CORO2B: variants seen among roughly 807,000 people sequenced by gnomAD.
CORO2B encodes coronin-2B.
CORO2B carries 26 observed loss-of-function variants against 58.8 expected under a neutral mutation model. The observed-to-expected ratio is 0.44, with a 90% CI of 0.32 to 0.61. The LOEUF (loss-of-function observed/expected upper bound fraction) is 0.61, where lower values mean the gene tolerates loss of function less well. Among genes scored for constraint, CORO2B ranks in the 20% least tolerant of loss-of-function variants. The probability of loss-of-function intolerance (pLI) is 0.04; values close to 1 mark genes in which losing one functional copy is unlikely to be tolerated. For missense variants in CORO2B, 460 were observed against 645.1 expected, an observed-to-expected ratio of 0.71 and a Z score of 3.11; for synonymous variants, 242 against 253.8, an observed-to-expected ratio of 0.95 and a Z score of 0.44.
At chr15:68,586,317 C>T (rs929068810) in intron 1 of CORO2B, among the ~76,000 whole-genome samples, 6 of 152,052 alleles carry the variant, frequency 3.9e-5, no homozygotes, top group Admixed American at 2.0e-4. Context: ...ATGAAATGAG[C>T]AGTACAGGGA....
chr15:68,560,693 C>T, the CORO2B span, among the ~76,000 whole-genome samples: 1 of 152,198 alleles, frequency 6.6e-6, no homozygotes, highest in South Asian at 2.1e-4. Flanking sequence ...CCATCTTCCT[C>T]CTCTCTGCTC....
intron 2 of CORO2B, among the ~76,000 whole-genome samples, chr15:68,680,612 C>G (rs1902749468): frequency 6.6e-6 from 1 of 152,154 alleles, no homozygotes; most frequent in African/African-American, 2.4e-5. Context: ...CATTTGTGTC[C>G]AGCACGATTC....
intron 3 of CORO2B, among the ~76,000 whole-genome samples, chr15:68,696,496 C>T (rs932871054): frequency 4.9e-5 from 7 of 142,498 alleles, no homozygotes; most frequent in African/African-American, 1.8e-4. Context: ...TTGCAGTGAG[C>T]TGAGATCGTG....
intron 3 of CORO2B, among the ~76,000 whole-genome samples, chr15:68,708,869 C>T (rs1028347890): frequency 1.3e-5 from 2 of 152,026 alleles, no homozygotes; most frequent in African/African-American, 4.8e-5. Flanking sequence ...TTTGTAGAGG[C>T]GGAGTCTCAC....
At chr15:68,575,582 C>CCCCCCCCA (rs1566975519), upstream of CORO2B, among the ~76,000 whole-genome samples, 4 of 96,840 alleles carry the variant, frequency 4.1e-5, 1 homozygote, top group South Asian at 5.4e-4. Flanking sequence ...GATCTGCCCC[C>CCCCCCCCA]GCCTCGGCCT....
upstream of CORO2B, among the ~76,000 whole-genome samples, chr15:68,574,644 A>C (rs1390774512): frequency 6.6e-6 from 1 of 152,096 alleles, no homozygotes; most frequent in African/African-American, 2.4e-5. Context: ...TCACAGCCTT[A>C]TTGATCAGCG....
rs544444447 is a variant in CORO2B, at chr15:68,584,187, C to T, written c.15+4910C>T. On this transcript the variant is annotated intron_variant, in intron 1 of 11. Coordinates refer to ENST00000261861, the MANE Select transcript of CORO2B (RefSeq NM_006091.5). ...TGGGCATGAGCCAGGAGACCTCTTG[C>T]CTTGCCTGCATACTGTAAGTGCCTA... Among the ~76,000 whole-genome samples, 90 of 152,356 alleles carry T rather than the reference C, an allele frequency of 5.9e-4. 1 individual carries two copies. The highest frequency in any genetic ancestry group is 2.0e-3 in the African/African-American group (82 of 41,588).
At chr15:68,617,265 G>A (rs543334301) in intron 1 of CORO2B, among the ~76,000 whole-genome samples, 1 of 152,358 alleles carries the variant, frequency 6.6e-6, no homozygotes, top group Admixed American at 6.5e-5. Flanking sequence ...GGAGACAGGT[G>A]CATCAGCCAC....
rs759084887 is a variant in CORO2B, at chr15:68,718,727, T to A, written c.997T>A (p.Ser333Thr). 6.2e-7 allele frequency: 1 copy of A among 1,614,184 alleles called. No homozygotes were observed. The highest frequency in any genetic ancestry group is 1.7e-5 in the Admixed American group (1 of 60,030). ...CATGCCCAAGCACGGGCTGGATGTGTCAGCCTGCGAGGTGTTCCGCTTCTA... is the reference window on the plus strand; with the variant it reads ...CATGCCCAAGCACGGGCTGGATGTGACAGCCTGCGAGGTGTTCCGCTTCTA... ...GVMPKHGLDV[S>T]ACEVFRFYKL... Residue 333 changes from serine to threonine, a missense_variant, in exon 9 of 12, where the codon TCA becomes ACA. Physicochemically the swap from Ser to Thr is moderately conservative, Grantham distance 58. Around this residue, in one of 2 missense-constraint regions of CORO2B, gnomAD observed 352 missense variants for 543.0 expected, o/e 0.65. Transcript: ENST00000261861.
chr15:68,648,943 A>T (rs1023859970), intron 2 of CORO2B, among the ~76,000 whole-genome samples: 6 of 152,232 alleles, frequency 3.9e-5, no homozygotes, highest in Non-Finnish European at 8.8e-5. Context: ...AAGTGTATTT[A>T]AAAAATACGT....
At chr15:68,657,639 C>G (rs1405008249) in intron 2 of CORO2B, among the ~76,000 whole-genome samples, 7 of 151,970 alleles carry the variant, frequency 4.6e-5, no homozygotes, top group Non-Finnish European at 1.0e-4. Flanking sequence ...AGTAACGACT[C>G]TAATTTCAAA....
At chr15:68,626,947 A>G (rs1900697993) in intron 1 of CORO2B, among the ~76,000 whole-genome samples, 1 of 152,138 alleles carries the variant, frequency 6.6e-6, no homozygotes, top group East Asian at 1.9e-4. Flanking sequence ...ATCAATGGCC[A>G]ATGAGAGTGC....
chr15:68,597,635 A>G (rs940722261), intron 1 of CORO2B, among the ~76,000 whole-genome samples: 1 of 151,304 alleles, frequency 6.6e-6, no homozygotes, highest in Non-Finnish European at 1.5e-5. Flanking sequence ...ATCAAAAAAA[A>G]AAAAATAAAT....
intron 1 of CORO2B, among the ~76,000 whole-genome samples, chr15:68,585,450 A>G (rs182831804): frequency 9.4e-4 from 143 of 152,330 alleles, no homozygotes; most frequent in Admixed American, 1.6e-3. Context: ...GGTAGATTCT[A>G]TTATCCATCC....
intron 5 of CORO2B, among the ~76,000 whole-genome samples, chr15:68,712,181 G>A (rs899445552): frequency 2.0e-5 from 3 of 152,210 alleles, no homozygotes; most frequent in African/African-American, 7.2e-5. Flanking sequence ...AAGGGGTTAA[G>A]TGCCATTTGG....
intron 1 of CORO2B, among the ~76,000 whole-genome samples, chr15:68,624,974 C>A (rs1486814786): frequency 6.6e-6 from 1 of 152,196 alleles, no homozygotes; most frequent in Non-Finnish European, 1.5e-5. Context: ...AGCCACTGCA[C>A]CCAGCCATGT....
the CORO2B span, among the ~76,000 whole-genome samples, chr15:68,532,522 C>A: frequency 0.16 from 24,164 of 151,980 alleles, 2,060 homozygotes; most frequent in Middle Eastern, 0.21. Flanking sequence ...AATTGTGTTC[C>A]TATTTTTATT....
At chr15:68,548,636 T>C in the CORO2B span, among the ~76,000 whole-genome samples, 1 of 152,198 alleles carries the variant, frequency 6.6e-6, no homozygotes, top group Non-Finnish European at 1.5e-5. Flanking sequence ...TACTACTTAT[T>C]GTCAAATTTC....
chr15:68,708,357 C>CTTTTTTTT (rs921103212), intron 3 of CORO2B, among the ~76,000 whole-genome samples: 11 of 114,966 alleles, frequency 9.6e-5, no homozygotes, highest in East Asian at 2.5e-4. Flanking sequence ...TTTTTTTCTT[C>CTTTTTTTT]TTTTTTTTTT....
Sources: allele counts gnomAD v4.1 joint callset (sites outside exome capture counted in the v4.1 genomes callset), GRCh38; gene constraint gnomAD v4.1.1; regional missense constraint gnomAD v4.1.1; transcripts MANE v1.5; gene names NCBI Gene and HGNC (gene_info 2026-07-23, HGNC 2026-07-21).